PCDHA6: variants seen among roughly 807,000 people sequenced by gnomAD.
PCDHA6 encodes the protein protocadherin alpha 6, also known as protocadherin alpha-6.
Under a neutral mutation model 60.3 loss-of-function variants are expected in PCDHA6, and 55 were observed. That is an observed-to-expected ratio of 0.91 (90% CI 0.73 to 1.14). The LOEUF is 1.14. Among genes scored for constraint, PCDHA6 ranks in the 50% most tolerant of loss-of-function variants. The probability of loss-of-function intolerance (pLI) is 0.00; values close to 1 mark genes in which losing one functional copy is unlikely to be tolerated. For missense variants in PCDHA6, 1,327 were observed against 1,256.5 expected (o/e 1.06, Z -0.85); for synonymous variants, 652 against 557.9 (o/e 1.17, Z -2.38).
intron 1 of PCDHA6, among the ~76,000 whole-genome samples, chr5:140,918,873 C>A (rs774088807): frequency 2.0e-5 from 3 of 152,166 alleles, no homozygotes; most frequent in Non-Finnish European, 4.4e-5. Flanking sequence ...AACTTTCAAG[C>A]CTCTAGAACA....
At chr5:140,992,807 C>G (rs781970284) in intron 3 of PCDHA6, among the ~76,000 whole-genome samples, 6 of 152,108 alleles carry the variant, frequency 3.9e-5, no homozygotes, top group Non-Finnish European at 4.4e-5. Flanking sequence ...CCATATGTAT[C>G]TAAGGATGTG....
chr5:140,979,002 G>A lies in PCDHA6; in HGVS notation c.2448G>A (p.Met816Ile). 6.2e-7 allele frequency: 1 copy of A among 1,614,130 alleles called. No homozygotes were observed. The highest frequency in any genetic ancestry group is 8.5e-7 in the Non-Finnish European group (1 of 1,180,014). ...WRYSASLRAG[M>I]HSSVHLEEAG... ...ACTCTGCCTCCCTGAGAGCAGGCAT[G>A]CACAGGTATGTATTTCCCTCCTCAT... The change falls in exon 2 of 4, where the codon ATG becomes ATA. Residue 816 changes from methionine (M) to isoleucine (I), a missense_variant. Transcript: ENST00000529310.
At position 140,926,799 on chromosome 5, in the gene PCDHA6, T is replaced by G. The variant is rs561004739; in HGVS notation, c.2395-52150T>G. Reference sequence around the variant, plus strand: ...AGTGACGGCCGGCAGGAGCGTGCTCTTCCCCGCGGCTCGTGCTCTCCAGGA... The same window carrying G: ...AGTGACGGCCGGCAGGAGCGTGCTCGTCCCCGCGGCTCGTGCTCTCCAGGA... On this transcript the variant is annotated intron_variant, in intron 1 of 3. Transcript: ENST00000529310. The G allele has an allele frequency of 1.6e-4, 230 of 1,456,322 alleles. 2 individuals carry two copies. The African/African-American group carries it at 2.6e-3, about 16-fold the overall frequency. The allele number at this position is 1,456,322 out of a possible 1,614,324, so 90.2% of individuals were successfully genotyped here.
At chr5:140,934,690 T>G (rs1263392505) in intron 1 of PCDHA6, among the ~76,000 whole-genome samples, 1 of 152,198 alleles carries the variant, frequency 6.6e-6, no homozygotes, top group Non-Finnish European at 1.5e-5. Flanking sequence ...AAACAATGAA[T>G]TGATTCCTGG....
intron 1 of PCDHA6, among the ~76,000 whole-genome samples, chr5:140,954,817 T>G (rs1461497595): frequency 1.3e-5 from 2 of 152,224 alleles, no homozygotes; most frequent in Non-Finnish European, 2.9e-5. Flanking sequence ...TGAAATTGCT[T>G]TAGGCACTTT....
Position 140,841,493 on chromosome 5 carries a change from G to A in PCDHA6, c.2394+11008G>A, listed in dbSNP as rs2150316668. On this transcript the variant is annotated intron_variant, in intron 1 of 3. Coordinates refer to ENST00000529310, the MANE Select transcript of PCDHA6 (RefSeq NM_018909.4). Reference sequence around the variant, plus strand: ...GCAGGACCTGGGGCTGGAGCTGGCGGAGCTGGTGCCGCGCCTGTTCCGGGT... The same window carrying A: ...GCAGGACCTGGGGCTGGAGCTGGCGAAGCTGGTGCCGCGCCTGTTCCGGGT... 2.5e-5 allele frequency: 41 copies of A among 1,613,108 alleles called. No homozygotes were observed. The South Asian group carries it at 4.3e-4, about 17-fold the overall frequency.
Position 140,835,520 on chromosome 5 carries a change from T to G in PCDHA6, c.2394+5035T>G. On this transcript the variant is annotated intron_variant, in intron 1 of 3. Coordinates refer to ENST00000529310, the MANE Select transcript of PCDHA6 (RefSeq NM_018909.4). ...TGATTAGCGTGTTTGACCGAGATTT[T>G]GGAGTCAACGGACAGGTTACCTGCT... 4 of 1,613,956 alleles carry G rather than the reference T, an allele frequency of 2.5e-6. No homozygotes were observed. Among genetic ancestry groups the G allele is most frequent in the Non-Finnish European group, 3.4e-6 (4 of 1,179,884 alleles).
intron 1 of PCDHA6, among the ~76,000 whole-genome samples, chr5:140,917,324 C>CGGGGGGCG (rs1299895515): frequency 1.3e-5 from 1 of 76,124 alleles, no homozygotes; most frequent in Non-Finnish European, 2.9e-5. Context: ...GTTCATGTGG[C>CGGGGGGCG]GGGGGAGGGG....
In PCDHA6 at chr5:140,840,930, C is replaced by T. The variant is rs2150310156; in HGVS notation, c.2394+10445C>T. Among the ~76,000 whole-genome samples the T allele has an allele frequency of 2.0e-5, 3 of 151,804 alleles. No homozygotes were observed. The South Asian group carries it at 6.2e-4, about 32-fold the overall frequency. On this transcript the variant is annotated intron_variant, in intron 1 of 3. Transcript: ENST00000529310. ...TACTTAAATTTATTATTAATTGATACGATATTTGAAATATTGGGAAGAAAT... is the reference window on the plus strand; with the variant it reads ...TACTTAAATTTATTATTAATTGATATGATATTTGAAATATTGGGAAGAAAT...
chr5:140,962,389 G>A (rs551530521), intron 1 of PCDHA6, among the ~76,000 whole-genome samples: 3 of 152,170 alleles, frequency 2.0e-5, no homozygotes, highest in African/African-American at 4.8e-5. Context: ...TTAATATTAC[G>A]CAATCTGCCC....
At chr5:140,961,975 C>T (rs1241757389) in intron 1 of PCDHA6, among the ~76,000 whole-genome samples, 1 of 152,034 alleles carries the variant, frequency 6.6e-6, no homozygotes, top group Non-Finnish European at 1.5e-5. Flanking sequence ...CCTCCGCCTC[C>T]TGGGTTCACG....
In PCDHA6 at chr5:140,929,054, C is replaced by T. The variant is rs782514800; in HGVS notation, c.2395-49895C>T. 27 of 1,614,056 alleles carry T rather than the reference C, an allele frequency of 1.7e-5. No individual in the cohort carries two copies. The highest frequency in any genetic ancestry group is 2.1e-5 in the Non-Finnish European group (25 of 1,180,042). ...TGTTGCGCTCAGAGCTGCTGTCGCT[C>T]TACAGAGGATCTGAGGTATGGAAGT... is the stretch of plus-strand genomic sequence containing the variant. On this transcript the variant is annotated intron_variant, in intron 1 of 3. Coordinates refer to ENST00000529310, the MANE Select transcript of PCDHA6 (RefSeq NM_018909.4).
At chr5:140,883,626 C>T (rs782798960) in intron 1 of PCDHA6, 3 of 1,613,850 alleles carry the variant, frequency 1.9e-6, no homozygotes, top group Non-Finnish European at 2.5e-6. Flanking sequence ...GACAACGCGC[C>T]GGCGTTCGCG....
Position 140,916,718 on chromosome 5 carries a change from G to C in PCDHA6, c.2395-62231G>C, listed in dbSNP as rs115136945. Among the ~76,000 whole-genome samples, 1,217 of 152,304 alleles carry C rather than the reference G, an allele frequency of 8.0e-3. 6 individuals are homozygous for C. Among genetic ancestry groups the C allele is most frequent in the African/African-American group, 0.019 (785 of 41,570 alleles). On this transcript the variant is annotated intron_variant, in intron 1 of 3. Coordinates refer to ENST00000529310, the MANE Select transcript of PCDHA6 (RefSeq NM_018909.4). ...CTCTCCTTAAGCAGAAGGAAGGAGTGACTTTTGTTGCTGCAAGCTTCACTG... is the reference window on the plus strand; with the variant it reads ...CTCTCCTTAAGCAGAAGGAAGGAGTCACTTTTGTTGCTGCAAGCTTCACTG...
At position 140,918,968 on chromosome 5, in the gene PCDHA6, G is replaced by A. The variant is rs1028863089; in HGVS notation, c.2395-59981G>A. Among the ~76,000 whole-genome samples, 5 of 152,196 alleles carry A rather than the reference G, an allele frequency of 3.3e-5. 1 individual carries two copies. The highest frequency in any genetic ancestry group is 5.9e-5 in the Non-Finnish European group (4 of 68,034). On this transcript the variant is annotated intron_variant, in intron 1 of 3. Transcript: ENST00000529310. ...TCCTGAACAGACTAAGACAGATATC[G>A]TTTAGGTTAGTTGGTTTTTAGTGTT...
chr5:140,882,127 C>A (rs2058964637), intron 1 of PCDHA6: 23 of 1,464,566 alleles, frequency 1.6e-5, no homozygotes, highest in Admixed American at 4.6e-5. Flanking sequence ...TTTCTTTCTT[C>A]CTGCAGAAAA....
chr5:140,902,756 C>A (rs1434955469), intron 1 of PCDHA6, among the ~76,000 whole-genome samples: 1 of 150,258 alleles, frequency 6.7e-6, no homozygotes, highest in Admixed American at 6.6e-5. Flanking sequence ...TTATATCATT[C>A]TTATGTCTTT....
rs782371814 is a variant in PCDHA6 at position 140,882,829 on chromosome 5, G to A, written c.2394+52344G>A. On this transcript the variant is annotated intron_variant, in intron 1 of 3. Transcript: ENST00000529310. Reference sequence around the variant, plus strand: ...CTTTGGACGCACAAAACAGTCTTGAGCAAATGTCTTCATTATCACTTGTAC... The same window carrying A: ...CTTTGGACGCACAAAACAGTCTTGAACAAATGTCTTCATTATCACTTGTAC... The A allele has an allele frequency of 5.6e-6, 9 of 1,614,206 alleles. No homozygotes were observed. The South Asian group carries it at 8.8e-5, about 16-fold the overall frequency.
intron 1 of PCDHA6, chr5:140,835,919 G>T (rs2150248357): frequency 2.5e-6 from 4 of 1,612,404 alleles, no homozygotes; most frequent in Admixed American, 3.3e-5. Context: ...CAGTGCACGC[G>T]GAGAGCGGCA....
Sources: allele counts gnomAD v4.1 joint callset (sites outside exome capture counted in the v4.1 genomes callset), GRCh38; gene constraint gnomAD v4.1.1; transcripts MANE v1.5; gene names NCBI Gene and HGNC (gene_info 2026-07-23, HGNC 2026-07-21).